THSD4: variants seen among roughly 807,000 people sequenced by gnomAD.
THSD4 encodes the protein thrombospondin type-1 domain-containing protein 4.
Under a neutral mutation model 119.0 loss-of-function variants are expected in THSD4, and 69 were observed. That is an observed-to-expected ratio of 0.58 (90% CI 0.48 to 0.71). The LOEUF is 0.71. Among genes scored for constraint, THSD4 ranks in the 30% least tolerant of loss-of-function variants. THSD4 has a pLI of 0.00. For synonymous variants in THSD4, 524 were observed against 540.4 expected (o/e 0.97, Z 0.42); for missense variants, 1,393 against 1,391.1 (o/e 1.00, Z -0.02).
chr15:71,475,428 T>A lies in THSD4; in HGVS notation c.1152+63605T>A, dbSNP rs144948096. Among the ~76,000 whole-genome samples, 1,139 of 152,352 alleles carry A rather than the reference T, an allele frequency of 7.5e-3. 10 individuals carry two copies. The highest frequency in any genetic ancestry group is 0.011 in the Non-Finnish European group (715 of 68,028). The stretch of plus-strand genomic sequence containing the variant: ...ACATACCTCTTCAATGACTATTGAT[T>A]CACCAGACAGTGGTGGTGTATTAGG... On this transcript the variant is annotated intron_variant, in intron 7 of 17. Transcript: ENST00000261862.
At chr15:71,406,227 T>G (rs1278418816) in intron 6 of THSD4, among the ~76,000 whole-genome samples, 1 of 152,240 alleles carries the variant, frequency 6.6e-6, no homozygotes, top group Non-Finnish European at 1.5e-5. Flanking sequence ...GAACATACTT[T>G]TCATTATTTT....
intron 6 of THSD4, among the ~76,000 whole-genome samples, chr15:71,355,348 G>A (rs530642315): frequency 6.6e-6 from 1 of 152,302 alleles, no homozygotes; most frequent in South Asian, 2.1e-4. Flanking sequence ...GCCTTTCAGA[G>A]CAAGACATGC....
chr15:71,103,417 G>A (rs947829602), intron 1 of THSD4, among the ~76,000 whole-genome samples: 3 of 152,080 alleles, frequency 2.0e-5, no homozygotes, highest in Non-Finnish European at 4.4e-5. Flanking sequence ...TAAAACATAA[G>A]TTTGTGGGAT....
At chr15:71,142,839 T>C (rs2040618183) in intron 2 of THSD4, among the ~76,000 whole-genome samples, 1 of 152,234 alleles carries the variant, frequency 6.6e-6, no homozygotes, top group Admixed American at 6.5e-5. Context: ...TTTCCATACC[T>C]GTACATTAGT....
In THSD4 at chr15:71,154,919, C is replaced by T. The variant is rs745799199; in HGVS notation, c.86C>T (p.Thr29Ile). The change falls in exon 3 of 18, where the codon ACT (threonine) becomes ATT (isoleucine). Residue 29 changes from threonine (T) to isoleucine (I), a missense_variant. Coordinates refer to ENST00000261862, the MANE Select transcript of THSD4 (RefSeq NM_024817.3). ...CAGTTCGTCTGCCCACAGCCCTCCA[C>T]TCAACACAGGAAGGTAAGCCATGGC... ...GFQFVCPQPS[T>I]QHRKVPQRMA... is the part of the protein sequence containing the mutation. 1.4e-5 allele frequency: 22 copies of T among 1,614,054 alleles called. No individual in the cohort carries two copies. Among genetic ancestry groups the T allele is most frequent in the Non-Finnish European group, 1.8e-5 (21 of 1,180,054 alleles).
At chr15:71,149,314 C>T (rs1322189144) in intron 2 of THSD4, among the ~76,000 whole-genome samples, 2 of 152,112 alleles carry the variant, frequency 1.3e-5, no homozygotes, top group East Asian at 1.9e-4. Flanking sequence ...GGCGTGATCA[C>T]GGCTCACTGC....
At chr15:71,696,015 T>TG (rs575154502) in intron 8 of THSD4, among the ~76,000 whole-genome samples, 88 of 152,364 alleles carry the variant, frequency 5.8e-4, no homozygotes, top group Admixed American at 1.4e-3. Context: ...AGGATGTGCC[T>TG]GGGGCACAGA....
intron 6 of THSD4, among the ~76,000 whole-genome samples, chr15:71,378,607 G>C (rs765202758): frequency 1.3e-5 from 2 of 152,176 alleles, no homozygotes; most frequent in African/African-American, 2.4e-5. Flanking sequence ...GGGATGCTTC[G>C]TCCTGCCAGT....
At position 71,765,249 on chromosome 15, in the gene THSD4, C is replaced by T. The variant is rs375663740; in HGVS notation, c.2769+50C>T. ...GGTTGCATTGGCACAACGTCCCCCA[C>T]CTGAACTCCTATAGACCCCTCTGGG... On this transcript the variant is annotated intron_variant, in intron 16 of 17. Transcript: ENST00000261862. The T allele has an allele frequency of 5.1e-6, 8 of 1,577,312 alleles. No homozygotes were observed. In the Admixed American group the frequency reaches 1.2e-4, roughly 24 times the overall value.
intron 6 of THSD4, among the ~76,000 whole-genome samples, chr15:71,365,131 T>TG (rs2045941634): frequency 4.4e-5 from 6 of 135,912 alleles, no homozygotes; most frequent in Non-Finnish European, 8.0e-5. Flanking sequence ...GCCCCCCCCA[T>TG]TGTGTGTGTG....
chr15:71,555,738 T>C (rs2049006390), intron 7 of THSD4, among the ~76,000 whole-genome samples: 1 of 152,216 alleles, frequency 6.6e-6, no homozygotes, highest in Admixed American at 6.5e-5. Flanking sequence ...CCTATATTGC[T>C]TTCTAAAATT....
intron 6 of THSD4, among the ~76,000 whole-genome samples, chr15:71,396,300 GCACACA>G (rs142856960): frequency 2.8e-5 from 4 of 142,640 alleles, no homozygotes; most frequent in Non-Finnish European, 6.2e-5. Flanking sequence ...GCGTACATAT[GCACACA>G]CACACACACA....
intron 4 of THSD4, among the ~76,000 whole-genome samples, chr15:71,238,092 C>T (rs1035354016): frequency 3.3e-5 from 5 of 151,762 alleles, no homozygotes; most frequent in South Asian, 2.1e-4. Flanking sequence ...CATGTACTTA[C>T]GTTGTCAGGG....
intron 6 of THSD4, among the ~76,000 whole-genome samples, chr15:71,270,807 T>C (rs2044519295): frequency 1.5e-5 from 1 of 68,524 alleles, no homozygotes; most frequent in Admixed American, 1.5e-4. Context: ...GGAAGGGAAT[T>C]AGAGTGGTCA....
In THSD4 at chr15:71,584,262, C is replaced by CTTTT. The variant is rs71154789; in HGVS notation, c.1153-76248_1153-76245dup. Among the ~76,000 whole-genome samples the CTTTT allele has an allele frequency of 9.4e-3, 580 of 61,736 alleles. 23 individuals are homozygous for CTTTT. Among genetic ancestry groups the CTTTT allele is most frequent in the African/African-American group, 0.025 (335 of 13,148 alleles). The allele number at this position is 61,736 out of a possible 152,430, so 40.5% of individuals were successfully genotyped here. Reference sequence around the variant, plus strand: ...TCACGTGGATTTTTTTTTTCACTTTCTTTTTTTTTTTTTTTTTTTTTTTGA... The same window carrying CTTTT: ...TCACGTGGATTTTTTTTTTCACTTTCTTTTTTTTTTTTTTTTTTTTTTTTTTTGA... On this transcript the variant is annotated intron_variant, in intron 7 of 17. Coordinates refer to ENST00000261862, the MANE Select transcript of THSD4 (RefSeq NM_024817.3).
chr15:71,484,190 C>G (rs981004013), intron 7 of THSD4, among the ~76,000 whole-genome samples: 1 of 152,164 alleles, frequency 6.6e-6, no homozygotes, highest in Admixed American at 6.5e-5. Context: ...TATGAAATTC[C>G]TGATGCTCTG....
chr15:71,423,468 G>C (rs1333493559), intron 7 of THSD4, among the ~76,000 whole-genome samples: 1 of 152,180 alleles, frequency 6.6e-6, no homozygotes, highest in Non-Finnish European at 1.5e-5. Flanking sequence ...TTCTGGCCCA[G>C]GGTATGTCTA....
At chr15:71,720,024 TTTTTTTTTTTTC>T (rs1188446165) in intron 8 of THSD4, among the ~76,000 whole-genome samples, 2 of 86,016 alleles carry the variant, frequency 2.3e-5, no homozygotes, top group African/African-American at 8.7e-5. Context: ...AACATGTGCT[TTTTTTTTTTTTC>T]TTTTTTTTTT....
chr15:71,735,652 CTG>C (rs888586643), intron 10 of THSD4, among the ~76,000 whole-genome samples: 7 of 151,152 alleles, frequency 4.6e-5, no homozygotes, highest in African/African-American at 1.7e-4. Flanking sequence ...CTCTTGCTCT[CTG>C]TCTCTCTCTC....
Sources: allele counts gnomAD v4.1 joint callset (sites outside exome capture counted in the v4.1 genomes callset), GRCh38; gene constraint gnomAD v4.1.1; transcripts MANE v1.5; gene names NCBI Gene and HGNC (gene_info 2026-07-23, HGNC 2026-07-21).